Variants in DACH1 observed in about 807,000 individuals in gnomAD.
DACH1 encodes dachshund family transcription factor 1.
A neutral mutation model predicts 54.2 loss-of-function variants in DACH1; 12 were observed. The observed-to-expected ratio is 0.22, with a 90% CI of 0.14 to 0.36. The LOEUF (loss-of-function observed/expected upper bound fraction) is 0.36. Among genes scored for constraint, DACH1 ranks in the 10% least tolerant of loss-of-function variants. The pLI is 1.00. For missense variants in DACH1, 805 were observed against 929.8 expected, an observed-to-expected ratio of 0.87 and a Z score of 1.75; for synonymous variants, 386 against 366.2, an observed-to-expected ratio of 1.05 and a Z score of -0.62.
Position 71,785,456 on chromosome 13 carries a change from A to T in DACH1, c.848+80466T>A, listed in dbSNP as rs563502056. Among the ~76,000 whole-genome samples, 17 of 152,318 alleles carry T rather than the reference A, an allele frequency of 1.1e-4. No homozygotes were observed. In the South Asian group the frequency reaches 2.9e-3, roughly 26 times the overall value. On this transcript the variant is annotated intron_variant, in intron 1 of 10. Transcript: ENST00000613252. ...TTAGAGTTTAGAAAATTCCCTTTACATTGCTAACCAGTTTTAAGATAATAA... is the reference window on the plus strand; with the variant it reads ...TTAGAGTTTAGAAAATTCCCTTTACTTTGCTAACCAGTTTTAAGATAATAA...
intron 10 of DACH1, among the ~76,000 whole-genome samples, chr13:71,472,231 C>G (rs554931247): frequency 6.6e-6 from 1 of 152,128 alleles, no homozygotes; most frequent in Non-Finnish European, 1.5e-5. Flanking sequence ...ATCTACCCTG[C>G]GTACTATGAG....
intron 1 of DACH1, among the ~76,000 whole-genome samples, chr13:71,821,034 G>A (rs941522800): frequency 4.6e-5 from 7 of 152,182 alleles, no homozygotes; most frequent in Non-Finnish European, 4.4e-5. Context: ...AGTGGTTGCA[G>A]CATGAGAAAG....
chr13:71,694,524 T>C (rs1169495347), intron 1 of DACH1, among the ~76,000 whole-genome samples: 1 of 152,228 alleles, frequency 6.6e-6, no homozygotes, highest in African/African-American at 2.4e-5. Flanking sequence ...TATTTAATTC[T>C]TGATGAAGCA....
intron 1 of DACH1, among the ~76,000 whole-genome samples, chr13:71,749,420 T>C (rs949653060): frequency 6.6e-6 from 1 of 152,094 alleles, no homozygotes; most frequent in Admixed American, 6.5e-5. Context: ...CTAGATTTTT[T>C]TTGAGGGGGG....
intron 1 of DACH1, among the ~76,000 whole-genome samples, chr13:71,861,048 T>C (rs942775554): frequency 1.3e-5 from 2 of 151,418 alleles, no homozygotes; most frequent in African/African-American, 2.4e-5. Context: ...TCTCAGGGAG[T>C]TGGGGGATGC....
chr13:71,573,052 C>T, intron 3 of DACH1, 40 bp from the exon 4 acceptor site: 10 of 1,549,596 alleles, frequency 6.5e-6, no homozygotes, highest in Non-Finnish European at 6.1e-6. Context: ...CTCTGGAGGA[C>T]ATAAATCATT....
intron 7 of DACH1, among the ~76,000 whole-genome samples, chr13:71,482,412 T>G (rs2138188499): frequency 6.6e-6 from 1 of 152,302 alleles, no homozygotes; most frequent in Middle Eastern, 3.4e-3. Flanking sequence ...TAACATAAAT[T>G]TATTTCAGAA....
chr13:71,798,319 C>CAT (rs1333963804), intron 1 of DACH1, among the ~76,000 whole-genome samples: 65 of 85,454 alleles, frequency 7.6e-4, no homozygotes, highest in African/African-American at 1.4e-3. Context: ...GAACTTGTTA[C>CAT]ATACATATAT....
At chr13:71,445,360 G>A (rs976931939) in intron 10 of DACH1, among the ~76,000 whole-genome samples, 2 of 152,078 alleles carry the variant, frequency 1.3e-5, no homozygotes, top group East Asian at 1.9e-4. Context: ...TATAAAACAC[G>A]TTTATAAAAA....
chr13:71,464,961 G>A (rs897023838), intron 10 of DACH1, among the ~76,000 whole-genome samples: 1 of 151,898 alleles, frequency 6.6e-6, no homozygotes, highest in Non-Finnish European at 1.5e-5. Context: ...CTAATATAGG[G>A]GAATTAGAAA....
intron 2 of DACH1, among the ~76,000 whole-genome samples, chr13:71,680,481 G>A (rs1020727160): frequency 6.6e-6 from 1 of 152,138 alleles, no homozygotes; most frequent in African/African-American, 2.4e-5. Context: ...GCCTGTGCCT[G>A]TAGTTATAGC....
intron 1 of DACH1, among the ~76,000 whole-genome samples, chr13:71,827,310 A>T (rs1888418784): frequency 6.6e-6 from 1 of 152,096 alleles, no homozygotes; most frequent in African/African-American, 2.4e-5. Context: ...TCCGTGAACT[A>T]GATCACCTCC....
At chr13:71,742,304 G>A (rs1486707718) in intron 1 of DACH1, among the ~76,000 whole-genome samples, 2 of 152,080 alleles carry the variant, frequency 1.3e-5, no homozygotes, top group African/African-American at 4.8e-5. Flanking sequence ...AGATTAGTTG[G>A]AACCCAAGTT....
intron 3 of DACH1, among the ~76,000 whole-genome samples, chr13:71,607,586 G>A (rs181027290): frequency 5.9e-5 from 9 of 152,060 alleles, no homozygotes; most frequent in African/African-American, 2.2e-4. Context: ...TTGTTTATTT[G>A]TGTTTTATTT....
intron 1 of DACH1, among the ~76,000 whole-genome samples, chr13:71,864,215 A>ACACACACACACACACAC (rs1555330494): frequency 1.5e-5 from 1 of 67,474 alleles, no homozygotes; most frequent in African/African-American, 9.9e-5. Flanking sequence ...ACACACACAC[A>ACACACACACACACACAC]ACATTTACCC....
intron 3 of DACH1, among the ~76,000 whole-genome samples, chr13:71,583,892 T>C (rs1404529276): frequency 6.6e-6 from 1 of 152,198 alleles, no homozygotes; most frequent in Non-Finnish European, 1.5e-5. Flanking sequence ...TGAATCGTTA[T>C]CTGATTCTAA....
intron 4 of DACH1, among the ~76,000 whole-genome samples, chr13:71,561,056 A>G (rs1248007525): frequency 6.6e-6 from 1 of 152,212 alleles, no homozygotes; most frequent in Non-Finnish European, 1.5e-5. Context: ...TGTCAATGTT[A>G]ACTTAATACG....
intron 6 of DACH1, among the ~76,000 whole-genome samples, chr13:71,491,006 AG>A (rs1370417471): frequency 6.6e-6 from 1 of 152,200 alleles, no homozygotes; most frequent in Non-Finnish European, 1.5e-5. Context: ...AAGAAAATAA[AG>A]AATCATATGT....
chr13:71,859,475 CATT>C (rs1227007025), intron 1 of DACH1, among the ~76,000 whole-genome samples: 3 of 151,732 alleles, frequency 2.0e-5, no homozygotes, highest in South Asian at 4.1e-4. Flanking sequence ...TTAATTGTAT[CATT>C]AATTTGAAAA....
Sources: allele counts gnomAD v4.1 joint callset (sites outside exome capture counted in the v4.1 genomes callset), GRCh38; gene constraint gnomAD v4.1.1; transcripts MANE v1.5; gene names NCBI Gene and HGNC (gene_info 2026-07-23, HGNC 2026-07-21).